The following PRSS23 variants were observed in gnomAD, a reference collection of about 807,000 sequenced individuals.
PRSS23 encodes the protein protease, serine 23.
PRSS23 carries 25 observed loss-of-function variants against 34.7 expected under a neutral mutation model. That is an observed-to-expected ratio of 0.72 (90% CI 0.53 to 1.01). The LOEUF (loss-of-function observed/expected upper bound fraction) is 1.01. Ranked by LOEUF, PRSS23 falls within the 50% of genes least tolerant of loss-of-function variation. PRSS23 has a pLI of 0.00. For missense variants in PRSS23, 445 were observed against 475.6 expected, an observed-to-expected ratio of 0.94 and a Z score of 0.60; for synonymous variants, 176 against 186.6, an observed-to-expected ratio of 0.94 and a Z score of 0.46.
At chr11:86,917,473 G>C (rs964999466) in intron 2 of PRSS23, among the ~76,000 whole-genome samples, 15 of 152,318 alleles carry the variant, frequency 9.8e-5, no homozygotes, top group African/African-American at 3.6e-4. Context: ...CTGATTTTCA[G>C]TTTCCTTGTC....
chr11:86,899,817 C>T (rs1214970679), intron 2 of PRSS23, among the ~76,000 whole-genome samples: 7 of 147,020 alleles, frequency 4.8e-5, no homozygotes, highest in Admixed American at 2.7e-4. Flanking sequence ...AGTCCGGCCG[C>T]GAGACCCCAT....
intron 2 of PRSS23, among the ~76,000 whole-genome samples, chr11:86,834,546 CTTTCCTT>C (rs1451156603): frequency 9.7e-4 from 126 of 130,234 alleles, no homozygotes; most frequent in African/African-American, 3.7e-3. Flanking sequence ...CTTTCCTTTC[CTTTCCTT>C]TTTCCTTTCC....
chr11:86,927,126 C>T (rs1223114527), intron 2 of PRSS23, among the ~76,000 whole-genome samples: 1 of 152,154 alleles, frequency 6.6e-6, no homozygotes, highest in Non-Finnish European at 1.5e-5. Context: ...GTCAGTCCAC[C>T]ATGGGTCCAA....
At chr11:86,928,521 A>C (rs985756984) in intron 2 of PRSS23, among the ~76,000 whole-genome samples, 1 of 147,962 alleles carries the variant, frequency 6.8e-6, no homozygotes, top group Non-Finnish European at 1.5e-5. Flanking sequence ...TAAAAATACA[A>C]AACATTAGCC....
intron 2 of PRSS23, among the ~76,000 whole-genome samples, chr11:86,871,118 A>G (rs961397846): frequency 2.0e-5 from 3 of 152,166 alleles, no homozygotes; most frequent in Non-Finnish European, 4.4e-5. Flanking sequence ...TTTGAAGAGC[A>G]TGGAGTTTTA....
intron 2 of PRSS23, chr11:86,921,683 C>T (rs1322170619): frequency 6.6e-6 from 1 of 152,216 alleles, no homozygotes; most frequent in Non-Finnish European, 1.5e-5. Flanking sequence ...TTTCATTCTC[C>T]ATGGTTATTT....
At chr11:86,821,169 C>A (rs886938107) in intron 1 of PRSS23, 53 of 634,660 alleles carry the variant, frequency 8.4e-5, no homozygotes, top group Non-Finnish European at 1.2e-4. Flanking sequence ...GAAACTGAAA[C>A]CTGTACTTCC....
At chr11:86,825,919 C>T (rs1302254252) in intron 2 of PRSS23, among the ~76,000 whole-genome samples, 1 of 152,166 alleles carries the variant, frequency 6.6e-6, no homozygotes, top group African/African-American at 2.4e-5. Flanking sequence ...TAGGGTGATG[C>T]CTCCAGCTTT....
In PRSS23 at chr11:86,837,216, A is replaced by T. The variant is rs544559123; in HGVS notation, c.206+13623A>T. ...TAAAAGAAATTAAGAACTCAAATGT[A>T]TTATTTTATTCTAATAGATTGCCAC... On this transcript the variant is annotated intron_variant, in intron 2 of 2. Transcript: ENST00000533902. The T allele has an allele frequency of 7.9e-5, 12 of 152,364 alleles. No individual in the cohort carries two copies. The South Asian group carries it at 1.9e-3, about 24-fold the overall frequency. 9.4% of individuals were successfully genotyped at this position (152,364 alleles called of 1,614,324 possible).
intron 2 of PRSS23, among the ~76,000 whole-genome samples, chr11:86,850,223 C>G (rs1228753515): frequency 6.6e-6 from 1 of 152,194 alleles, no homozygotes; most frequent in Non-Finnish European, 1.5e-5. Flanking sequence ...AATGGAATCT[C>G]AAATGAGCTC....
intron 2 of PRSS23, among the ~76,000 whole-genome samples, chr11:86,887,762 A>C (rs1245712232): frequency 2.6e-5 from 4 of 152,096 alleles, no homozygotes; most frequent in African/African-American, 4.8e-5. Flanking sequence ...ATAATATTAC[A>C]CAATGTTGGC....
exon 3 of PRSS23, chr11:86,951,387 A>T: frequency 6.2e-7 from 1 of 1,614,002 alleles, no homozygotes; most frequent in South Asian, 1.1e-5. Flanking sequence ...GAGATTTCAT[A>T]AAAATAACAG....
chr11:86,859,556 T>C (rs1948598185), intron 2 of PRSS23, among the ~76,000 whole-genome samples: 4 of 151,902 alleles, frequency 2.6e-5, no homozygotes. Context: ...CAAACCCCTG[T>C]GATTTTGTTC....
In PRSS23 at chr11:86,952,654, C is replaced by G. The variant is rs1394017756; in HGVS notation, c.*1369C>G. ...AGGGCGCCTGATAATCCATCACTTA[C>G]ATACTTTTCTTAGTTTGGCTTTAGT... On this transcript the variant is annotated 3_prime_UTR_variant, in exon 3 of 3. Transcript: ENST00000533902. The G allele has an allele frequency of 5.0e-6, 3 of 595,566 alleles. No homozygotes were observed. The Admixed American group carries it at 8.8e-5, about 17-fold the overall frequency. The allele number at this position is 595,566 out of a possible 1,614,324, so 36.9% of individuals were successfully genotyped here.
chr11:86,865,881 T>C (rs1469675060), intron 2 of PRSS23, among the ~76,000 whole-genome samples: 2 of 152,194 alleles, frequency 1.3e-5, no homozygotes, highest in Non-Finnish European at 2.9e-5. Context: ...CAAAGTCCTT[T>C]GAATTGAAGT....
chr11:86,862,084 G>T (rs61221322), intron 2 of PRSS23, among the ~76,000 whole-genome samples: 1 of 151,106 alleles, frequency 6.6e-6, no homozygotes, highest in African/African-American at 2.4e-5. Context: ...AATATTACTC[G>T]CAATATCGCA....
chr11:86,929,328 A>C (rs10898557), intron 2 of PRSS23, among the ~76,000 whole-genome samples: 31,264 of 149,376 alleles, frequency 0.21, 3,478 homozygotes, highest in East Asian at 0.32. Context: ...GTCTCAAAAA[A>C]AAAAAACAAA....
Position 86,834,188 on chromosome 11 carries a change from C to A in PRSS23, c.206+10595C>A, listed in dbSNP as rs373315623. ...CATCTGCTTAATAGTTTTGAAGAGG[C>A]CTGGTCCAGTAAATAAGAATTTGGC... is the stretch of plus-strand genomic sequence containing the variant. On this transcript the variant is annotated intron_variant, in intron 2 of 2. Coordinates refer to the PRSS23 transcript ENST00000533902. Among the ~76,000 whole-genome samples, 15 of 152,158 alleles carry A rather than the reference C, an allele frequency of 9.9e-5. No individual in the cohort carries two copies. In the East Asian group the frequency reaches 1.5e-3, roughly 16 times the overall value.
At chr11:86,853,003 G>A (rs61906684) in intron 2 of PRSS23, among the ~76,000 whole-genome samples, 23,457 of 151,734 alleles carry the variant, frequency 0.15, 1,899 homozygotes, top group East Asian at 0.29. Flanking sequence ...ACAGGCGTGC[G>A]CCACCACGCC....
Sources: gnomAD v4.1 joint callset for allele counts (sites outside exome capture counted in the v4.1 genomes callset) on GRCh38, gnomAD v4.1.1 for gene constraint, MANE v1.5 for transcripts, NCBI Gene and HGNC (gene_info 2026-07-23, HGNC 2026-07-21) for gene names.